Variants in ABR observed in about 807,000 individuals in gnomAD.
ABR encodes ABR activator of RhoGEF and GTPase.
A neutral mutation model predicts 107.2 loss-of-function variants in ABR; 35 were observed. The observed-to-expected ratio is 0.33, with a 90% CI of 0.25 to 0.43. The LOEUF is 0.43. ABR is among the 20% of genes least tolerant of loss of function. ABR has a pLI of 1.00. For missense variants in ABR, 815 were observed against 1,115.2 expected, an observed-to-expected ratio of 0.73 and a Z score of 3.83; for synonymous variants, 498 against 462.0, an observed-to-expected ratio of 1.08 and a Z score of -1.00.
chr17:1,010,879 C>G lies in ABR; in HGVS notation c.2102-16G>C, dbSNP rs373526551. On this transcript the variant is annotated splice_polypyrimidine_tract_variant and intron_variant, in intron 19 of 22. Transcript: ENST00000302538. This position sits in a 1 kb window ranked among gnomAD's most constrained non-coding sequence, Gnocchi z 4.1. Reference sequence around the variant, plus strand: ...TCCTTGTTATCTGCAGGGGTGGGGCCGAGGTCAGGCAGCCTTAGCTGGGCC... The same window carrying G: ...TCCTTGTTATCTGCAGGGGTGGGGCGGAGGTCAGGCAGCCTTAGCTGGGCC... The G allele has an allele frequency of 6.2e-7, 1 of 1,612,562 alleles. No individual in the cohort carries two copies. Among genetic ancestry groups the G allele is most frequent in the Admixed American group, 1.7e-5 (1 of 59,982 alleles).
chr17:1,123,319 G>C (rs2039434604), intron 2 of ABR, among the ~76,000 whole-genome samples: 1 of 152,166 alleles, frequency 6.6e-6, no homozygotes, highest in Admixed American at 6.5e-5. Context: ...AAGCACTTTA[G>C]GGGGCAGTCA....
At chr17:1,176,042 G>C (rs1331279539) in intron 1 of ABR, among the ~76,000 whole-genome samples, 1 of 152,074 alleles carries the variant, frequency 6.6e-6, no homozygotes, top group Non-Finnish European at 1.5e-5. Flanking sequence ...AGCGAGCTGA[G>C]ATAGTGCCAC....
chr17:1,074,946 C>CA (rs981136975), intron 6 of ABR, among the ~76,000 whole-genome samples: 28 of 150,574 alleles, frequency 1.9e-4, no homozygotes, highest in African/African-American at 9.7e-5. Flanking sequence ...AACTCCATCT[C>CA]AAAAAAAAAG....
upstream of ABR, among the ~76,000 whole-genome samples, chr17:1,184,211 T>C (rs768603093): frequency 1.6e-4 from 24 of 149,336 alleles, no homozygotes; most frequent in Admixed American, 1.3e-3. Flanking sequence ...ATCCCAGTAC[T>C]CTGGGAGGCC....
At chr17:1,180,485 G>C (rs866111535), upstream of ABR, among the ~76,000 whole-genome samples, 1 of 152,098 alleles carries the variant, frequency 6.6e-6, no homozygotes, top group African/African-American at 2.4e-5. Flanking sequence ...GAGCGCGGCC[G>C]TTCCCGCCAC....
At chr17:1,129,050 C>T (rs1265366939) in intron 1 of ABR, among the ~76,000 whole-genome samples, 1 of 152,220 alleles carries the variant, frequency 6.6e-6, no homozygotes, top group Non-Finnish European at 1.5e-5. Context: ...TCCCTGACGT[C>T]CCCGCTTCGG....
rs35330462 is a variant in ABR, at chr17:1,034,657, C to T, written c.1791+15393G>A. On this transcript the variant is annotated intron_variant, in intron 16 of 22. Transcript: ENST00000302538. The stretch of plus-strand genomic sequence containing the variant: ...CTGGGTCCCAGCTTTACTCTACCTC[C>T]CTCCAGCAAACGTGCAATGGCTGTC... Among the ~76,000 whole-genome samples, 138 of 152,102 alleles carry T rather than the reference C, an allele frequency of 9.1e-4. 1 individual carries two copies. The highest frequency in any genetic ancestry group is 3.4e-3 in the Middle Eastern group (1 of 294).
At chr17:1,015,154 C>T (rs138432294) in intron 16 of ABR, among the ~76,000 whole-genome samples, 2,046 of 152,032 alleles carry the variant, frequency 0.013, 35 homozygotes, top group African/African-American at 0.041. Flanking sequence ...CGGTGGCTCA[C>T]GCCTGTAATC....
chr17:1,101,924 G>T (rs557464660), intron 2 of ABR, among the ~76,000 whole-genome samples: 2 of 151,900 alleles, frequency 1.3e-5, no homozygotes, highest in Non-Finnish European at 2.9e-5. Flanking sequence ...TAGTAGAGCC[G>T]GGATTTCACC....
At chr17:1,031,810 C>T (rs2150917955) in intron 16 of ABR, 1 of 1,228,170 alleles carries the variant, frequency 8.1e-7, no homozygotes, top group East Asian at 3.2e-5. Context: ...GCTGCCAGTC[C>T]CGCTAGTTCC....
chr17:1,158,770 A>G (rs1484692396), intron 1 of ABR, among the ~76,000 whole-genome samples: 1 of 152,072 alleles, frequency 6.6e-6, no homozygotes, highest in Non-Finnish European at 1.5e-5. Context: ...CTTAAAAAAA[A>G]AAAAGGAATC....
intron 2 of ABR, among the ~76,000 whole-genome samples, chr17:1,108,757 C>G (rs927143747): frequency 3.9e-5 from 6 of 152,152 alleles, no homozygotes; most frequent in African/African-American, 1.4e-4. Context: ...CCCGAGGACA[C>G]CGGTCGGGGA....
At chr17:1,173,311 C>CTCAG (rs2041810637) in intron 1 of ABR, among the ~76,000 whole-genome samples, 1 of 25,690 alleles carries the variant, frequency 3.9e-5, no homozygotes, top group African/African-American at 1.7e-4. Context: ...AGTCCACCCC[C>CTCAG]CCCATCACCT....
At chr17:1,106,527 C>CTTTTTTT (rs540643214) in intron 2 of ABR, among the ~76,000 whole-genome samples, 1 of 102,586 alleles carries the variant, frequency 9.7e-6, no homozygotes, top group Non-Finnish European at 1.8e-5. Context: ...TTCTCACAGT[C>CTTTTTTT]TTTTTTTTTT....
chr17:1,125,431 G>A (rs750872670), intron 1 of ABR, 64 bp from the exon 2 acceptor site: 75 of 1,586,010 alleles, frequency 4.7e-5, no homozygotes, highest in South Asian at 1.3e-4. Flanking sequence ...GACTGGTAGC[G>A]TAGTGGGCGC....
upstream of ABR, among the ~76,000 whole-genome samples, chr17:1,180,991 G>A (rs923138097): frequency 2.0e-5 from 3 of 152,186 alleles, no homozygotes; most frequent in African/African-American, 4.8e-5. Flanking sequence ...GCCCACCCAG[G>A]GGGCCCGGTA....
chr17:1,128,694 A>G (rs376977533), intron 1 of ABR, among the ~76,000 whole-genome samples: 1 of 152,150 alleles, frequency 6.6e-6, no homozygotes, highest in Non-Finnish European at 1.5e-5. Context: ...TGAGCTGAGG[A>G]TAGAAGCCAC....
chr17:1,052,259 T>G (rs2032651631), intron 14 of ABR, among the ~76,000 whole-genome samples: 1 of 149,634 alleles, frequency 6.7e-6, no homozygotes, highest in Non-Finnish European at 1.5e-5. Context: ...GACCAGGGAG[T>G]GGGCCTGTGT....
At chr17:1,100,931 C>G (rs576572900) in intron 2 of ABR, 196 bp from the exon 3 acceptor site, 2 of 595,446 alleles carry the variant, frequency 3.4e-6, no homozygotes, top group Non-Finnish European at 6.0e-6. Flanking sequence ...TCCAGTGATT[C>G]CCCTGCCTCA....
Sources: gnomAD v4.1 joint callset for allele counts (sites outside exome capture counted in the v4.1 genomes callset) on GRCh38, gnomAD v4.1.1 for gene constraint, Gnocchi (gnomAD v3.1) non-coding constraint, MANE v1.5 for transcripts, NCBI Gene and HGNC (gene_info 2026-07-23, HGNC 2026-07-21) for gene names.